The following SHISAL1 variants were observed in gnomAD, a reference collection of about 807,000 sequenced individuals.
SHISAL1 encodes protein shisa-like-1.
A neutral mutation model predicts 22.6 loss-of-function variants in SHISAL1; 9 were observed. The ratio of observed to expected loss-of-function variants is 0.40; its 90% confidence interval spans 0.24 to 0.70. The LOEUF is 0.70. Among genes scored for constraint, SHISAL1 ranks in the 30% least tolerant of loss-of-function variants. SHISAL1 has a pLI of 0.39. For missense variants in SHISAL1, 246 were observed against 270.6 expected (o/e 0.91, Z 0.64); for synonymous variants, 119 against 115.4 (o/e 1.03, Z -0.20).
intron 4 of SHISAL1, among the ~76,000 whole-genome samples, chr22:44,252,751 C>T (rs140135799): frequency 0.012 from 1,772 of 151,876 alleles, 31 homozygotes; most frequent in African/African-American, 0.039. Flanking sequence ...TCTCAGCACT[C>T]TGGGAGGCTG....
intron 1 of SHISAL1, among the ~76,000 whole-genome samples, chr22:44,309,600 G>T (rs1290081840): frequency 1.3e-5 from 2 of 152,144 alleles, no homozygotes; most frequent in African/African-American, 4.8e-5. Context: ...AAACCCCGGG[G>T]TCTGCTCCTG....
intron 2 of SHISAL1, among the ~76,000 whole-genome samples, chr22:44,299,236 C>G (rs574718375): frequency 8.5e-4 from 130 of 152,326 alleles, no homozygotes; most frequent in Non-Finnish European, 1.7e-3. Context: ...GAGGCCCCAG[C>G]AGAGCAGGGA....
chr22:44,322,882 C>G, the SHISAL1 span, among the ~76,000 whole-genome samples: 1 of 152,240 alleles, frequency 6.6e-6, no homozygotes, highest in Admixed American at 6.5e-5. Context: ...CTGCCCTGAT[C>G]TTAATTTCAT....
chr22:44,313,673 G>T (rs1055970967), upstream of SHISAL1, among the ~76,000 whole-genome samples: 4 of 152,092 alleles, frequency 2.6e-5, no homozygotes, highest in Non-Finnish European at 4.4e-5. Flanking sequence ...TGGGTGCCAG[G>T]CACCCCCCCA....
At chr22:44,281,903 C>A (rs113605266) in intron 4 of SHISAL1, among the ~76,000 whole-genome samples, 4,728 of 152,326 alleles carry the variant, frequency 0.031, 277 homozygotes, top group Admixed American at 0.17. Context: ...ATAAATCCCA[C>A]GGGCGGGGGA....
At chr22:44,257,743 C>A (rs142181833) in intron 4 of SHISAL1, among the ~76,000 whole-genome samples, 1 of 152,238 alleles carries the variant, frequency 6.6e-6, no homozygotes, top group African/African-American at 2.4e-5. Flanking sequence ...GACGATCCAG[C>A]AACCTCTCTC....
At chr22:44,274,107 G>A (rs1330872760) in intron 4 of SHISAL1, among the ~76,000 whole-genome samples, 7 of 138,360 alleles carry the variant, frequency 5.1e-5, no homozygotes, top group African/African-American at 1.6e-4. Flanking sequence ...TTAGGCGGAC[G>A]TGGTGGTGGG....
At chr22:44,269,881 C>T (rs1310195121) in intron 4 of SHISAL1, among the ~76,000 whole-genome samples, 2 of 152,196 alleles carry the variant, frequency 1.3e-5, no homozygotes, top group African/African-American at 2.4e-5. Context: ...TGCCCAGCTC[C>T]GCCCCTCCAG....
At chr22:44,280,900 G>A (rs558249805) in intron 4 of SHISAL1, among the ~76,000 whole-genome samples, 10 of 152,222 alleles carry the variant, frequency 6.6e-5, no homozygotes, top group Non-Finnish European at 1.2e-4. Flanking sequence ...CCTGTGCCCC[G>A]GATTTGAGAC....
intron 1 of SHISAL1, among the ~76,000 whole-genome samples, chr22:44,308,564 C>T (rs1055853271): frequency 6.6e-6 from 1 of 152,212 alleles, no homozygotes; most frequent in Non-Finnish European, 1.5e-5. Context: ...GGCAGTTCTT[C>T]CCCCGTGATT....
At chr22:44,309,888 G>C (rs1341974880) in intron 1 of SHISAL1, among the ~76,000 whole-genome samples, 1 of 152,186 alleles carries the variant, frequency 6.6e-6, no homozygotes, top group Non-Finnish European at 1.5e-5. Flanking sequence ...GAGGCTCCAC[G>C]CCTGCATATG....
chr22:44,324,249 C>T, the SHISAL1 span, among the ~76,000 whole-genome samples: 1 of 152,164 alleles, frequency 6.6e-6, no homozygotes, highest in Admixed American at 6.5e-5. Context: ...CCCCATTGGT[C>T]ACTAGTAAGA....
At chr22:44,324,195 A>G in the SHISAL1 span, among the ~76,000 whole-genome samples, 3 of 152,178 alleles carry the variant, frequency 2.0e-5, no homozygotes, top group South Asian at 4.2e-4. Context: ...TATTAGCCCT[A>G]TGTTGAAAAT....
rs529386750 is a variant in SHISAL1, at chr22:44,266,389, G to C, written c.*-16704C>G. 2.1e-3 allele frequency among the ~76,000 whole-genome samples: 316 copies of C among 149,008 alleles called. 2 individuals are homozygous for C. Among genetic ancestry groups the C allele is most frequent in the African/African-American group, 7.7e-3 (304 of 39,464 alleles). The stretch of plus-strand genomic sequence containing the variant: ...ACGAGGCAGTGGGGTGTGTTTGTGT[G>C]TGTTTGTCGGAGGGCTTGTTGTTTG... On this transcript the variant is annotated intron_variant, in intron 4 of 4. Coordinates refer to ENST00000381176, the MANE Select transcript of SHISAL1 (RefSeq NM_001099294.2).
intron 4 of SHISAL1, among the ~76,000 whole-genome samples, chr22:44,278,003 C>T (rs552634147): frequency 6.6e-6 from 1 of 152,274 alleles, no homozygotes; most frequent in South Asian, 2.1e-4. Flanking sequence ...ATGGTTAATA[C>T]TGAGTGTCAA....
chr22:44,262,381 T>A (rs2055131155), intron 4 of SHISAL1, among the ~76,000 whole-genome samples: 1 of 152,122 alleles, frequency 6.6e-6, no homozygotes, highest in African/African-American at 2.4e-5. Flanking sequence ...CCCAAAGTTG[T>A]GGGGAGCCGA....
chr22:44,279,143 C>T (rs1183679219), intron 4 of SHISAL1, among the ~76,000 whole-genome samples: 1 of 152,170 alleles, frequency 6.6e-6, no homozygotes, highest in African/African-American at 2.4e-5. Context: ...GAATGGACAG[C>T]CTCCGGGGTT....
the SHISAL1 span, among the ~76,000 whole-genome samples, chr22:44,326,999 A>G: frequency 7.2e-5 from 11 of 152,130 alleles, no homozygotes; most frequent in African/African-American, 2.7e-4. Flanking sequence ...AGGCTTGAAC[A>G]TCCTTGGCCC....
chr22:44,253,140 A>C (rs1171532344), intron 4 of SHISAL1, among the ~76,000 whole-genome samples: 1 of 152,222 alleles, frequency 6.6e-6, no homozygotes, highest in Non-Finnish European at 1.5e-5. Flanking sequence ...GATAAACGTT[A>C]TGTGCATTTT....
Sources: allele counts gnomAD v4.1 joint callset (sites outside exome capture counted in the v4.1 genomes callset), GRCh38; gene constraint gnomAD v4.1.1; transcripts MANE v1.5; gene names NCBI Gene and HGNC (gene_info 2026-07-23, HGNC 2026-07-21).